TENM1: variants seen among roughly 807,000 people sequenced by gnomAD.
The protein encoded by TENM1 is teneurin transmembrane protein 1.
In TENM1, 35 loss-of-function variants were observed where a neutral mutation model predicts 174.8. That is an observed-to-expected ratio of 0.20 (90% CI 0.15 to 0.27). TENM1 has a LOEUF of 0.27. Among genes scored for constraint, TENM1 ranks in the 10% least tolerant of loss-of-function variants. The probability of loss-of-function intolerance (pLI) is 1.00; values close to 1 mark genes in which losing one functional copy is unlikely to be tolerated. For missense variants in TENM1, 1,633 were observed against 2,130.1 expected, an observed-to-expected ratio of 0.77 and a Z score of 4.59; for synonymous variants, 781 against 798.7, an observed-to-expected ratio of 0.98 and a Z score of 0.37.
At chrX:124,421,504 C>T (rs762645478) in intron 24 of TENM1, among the ~76,000 whole-genome samples, 54 of 111,800 alleles carry the variant, frequency 4.8e-4, no homozygotes, top group Admixed American at 9.5e-4. Context: ...TTTAATAGCA[C>T]TGCGTGTAGT....
chrX:124,966,535 G>A (rs186477084), upstream of TENM1, among the ~76,000 whole-genome samples: 6 of 107,948 alleles, frequency 5.6e-5, no homozygotes, highest in South Asian at 4.1e-4. Context: ...GGTAGCGGGC[G>A]CCTGTAGTCC....
Position 124,777,154 on chromosome X carries a change from A to C in TENM1, c.536-39957T>G, listed in dbSNP as rs181821104. Among the ~76,000 whole-genome samples the C allele has an allele frequency of 1.5e-4, 17 of 111,647 alleles. No homozygotes were observed. The East Asian group carries it at 4.8e-3, about 31-fold the overall frequency. Reference sequence around the variant, plus strand: ...AAAATAAAAGTTGGAATTATTTAAAAATAAGTAAAATAAAATTAAATAAAA... The same window carrying C: ...AAAATAAAAGTTGGAATTATTTAAACATAAGTAAAATAAAATTAAATAAAA... On this transcript the variant is annotated intron_variant, in intron 3 of 31. Coordinates refer to ENST00000422452, the Ensembl canonical transcript of TENM1.
intron 14 of TENM1, among the ~76,000 whole-genome samples, chrX:124,560,299 C>T (rs2048789932): frequency 9.5e-6 from 1 of 105,793 alleles, no homozygotes; most frequent in African/African-American, 3.4e-5. Context: ...ATACTTATTA[C>T]AACCCTATTA....
chrX:125,083,139 C>A, the TENM1 span, among the ~76,000 whole-genome samples: 1 of 110,872 alleles, frequency 9.0e-6, no homozygotes, highest in Non-Finnish European at 1.9e-5. Flanking sequence ...GTGGATATCA[C>A]CTTTGTCCTT....
intron 1 of TENM1, among the ~76,000 whole-genome samples, chrX:124,930,103 G>A (rs1379614193): frequency 2.8e-5 from 3 of 108,694 alleles, no homozygotes; most frequent in Admixed American, 9.9e-5. Context: ...CTTCTTCCCC[G>A]CTGCCACCCC....
the TENM1 span, among the ~76,000 whole-genome samples, chrX:125,172,173 A>G: frequency 6.3e-5 from 7 of 111,657 alleles, no homozygotes; most frequent in Admixed American, 6.7e-4. Flanking sequence ...GTCAAGTTGG[A>G]ATCATGAACC....
At chrX:125,162,521 C>T in the TENM1 span, among the ~76,000 whole-genome samples, 10 of 111,935 alleles carry the variant, frequency 8.9e-5, no homozygotes, top group Non-Finnish European at 1.3e-4. Context: ...GTGCTGACCA[C>T]CTCCACATCT....
chrX:125,012,301 T>C, the TENM1 span, among the ~76,000 whole-genome samples: 7 of 111,712 alleles, frequency 6.3e-5, no homozygotes, highest in South Asian at 7.5e-4. Flanking sequence ...TGTATACCTA[T>C]GTAAAACACT....
At chrX:124,824,442 G>A (rs2056109666) in intron 3 of TENM1, among the ~76,000 whole-genome samples, 1 of 111,624 alleles carries the variant, frequency 9.0e-6, no homozygotes, top group African/African-American at 3.3e-5. Flanking sequence ...ACTAAGTGTG[G>A]TTAGTAGCCA....
chrX:125,044,223 TAAAAA>T, the TENM1 span, among the ~76,000 whole-genome samples: 1 of 75,364 alleles, frequency 1.3e-5, no homozygotes, highest in Non-Finnish European at 2.7e-5. Context: ...AAAAAAAAAA[TAAAAA>T]AAAAAGAATA....
At chrX:125,196,799 T>G in the TENM1 span, among the ~76,000 whole-genome samples, 1 of 111,910 alleles carries the variant, frequency 8.9e-6, no homozygotes, top group Non-Finnish European at 1.9e-5. Context: ...TCAATAACTT[T>G]CCTGAATTAA....
At chrX:124,562,858 A>G (rs1236818247) in intron 13 of TENM1, among the ~76,000 whole-genome samples, 3 of 112,524 alleles carry the variant, frequency 2.7e-5, no homozygotes, top group Admixed American at 9.4e-5. Flanking sequence ...TTGAAAGAAA[A>G]TTCCAAAAGC....
chrX:124,846,622 AAATTAACAATG>A (rs774440205), intron 3 of TENM1, among the ~76,000 whole-genome samples: 1 of 111,773 alleles, frequency 8.9e-6, no homozygotes, highest in South Asian at 3.7e-4. Context: ...TTCACAAGCA[AAATTAACAATG>A]ATAACAGGAA....
the TENM1 span, among the ~76,000 whole-genome samples, chrX:125,203,075 T>G: frequency 3.2e-4 from 36 of 112,358 alleles, no homozygotes; most frequent in Non-Finnish European, 3.9e-4. Flanking sequence ...TTGTAATGAC[T>G]ATCTCTTTTG....
At position 124,727,035 on chromosome X, in the gene TENM1, C is replaced by A. The variant is rs371553486; in HGVS notation, c.776+9922G>T. 9.7e-4 allele frequency among the ~76,000 whole-genome samples: 109 copies of A among 112,097 alleles called. No homozygotes were observed. The South Asian group carries it at 0.038, about 39-fold the overall frequency. On this transcript the variant is annotated intron_variant, in intron 4 of 31. Transcript: ENST00000422452. ...CTGGCTCTTCTTTTGTAAAAATAAC[C>A]CTGTAGACTCCATTTAATTGTCACA... is the stretch of plus-strand genomic sequence containing the variant.
intron 3 of TENM1, among the ~76,000 whole-genome samples, chrX:124,814,044 T>C (rs751713038): frequency 3.1e-4 from 35 of 111,839 alleles, no homozygotes; most frequent in Non-Finnish European, 5.8e-4. Flanking sequence ...ATTGTATAGA[T>C]GGCTGAAGGA....
At chrX:124,447,227 C>T (rs1454131712) in intron 23 of TENM1, among the ~76,000 whole-genome samples, 1 of 111,472 alleles carries the variant, frequency 9.0e-6, no homozygotes, top group Non-Finnish European at 1.9e-5. Context: ...TGGGAAACAT[C>T]GGTTGCCAAT....
intron 3 of TENM1, among the ~76,000 whole-genome samples, chrX:124,835,448 A>G (rs182690107): frequency 3.7e-4 from 41 of 112,328 alleles, no homozygotes; most frequent in African/African-American, 1.2e-3. Flanking sequence ...TATAATATTT[A>G]GATATTAGGC....
chrX:124,380,554 G>A (rs772319062), exon 32 of TENM1: 15 of 1,197,670 alleles, frequency 1.3e-5, no homozygotes, highest in African/African-American at 3.5e-5. Flanking sequence ...TGCCTATTTC[G>A]CTCTGTCTCA....
Sources: allele counts gnomAD v4.1 joint callset (sites outside exome capture counted in the v4.1 genomes callset), GRCh38; gene constraint gnomAD v4.1.1; transcripts MANE v1.5; gene names NCBI Gene and HGNC (gene_info 2026-07-23, HGNC 2026-07-21).